The following SUGCT variants were observed in gnomAD, a reference collection of about 807,000 sequenced individuals.
SUGCT encodes the protein succinyl-CoA:glutarate CoA-transferase.
SUGCT carries 41 observed loss-of-function variants against 55.0 expected under a neutral mutation model. The observed-to-expected ratio is 0.74, with a 90% CI of 0.58 to 0.97. The LOEUF is 0.97. Among genes scored for constraint, SUGCT ranks in the 50% least tolerant of loss-of-function variants. SUGCT has a pLI of 0.00. For synonymous variants in SUGCT, 187 were observed against 200.4 expected, an observed-to-expected ratio of 0.93 and a Z score of 0.56; for missense variants, 568 against 547.8, an observed-to-expected ratio of 1.04 and a Z score of -0.37.
the SUGCT span, among the ~76,000 whole-genome samples, chr7:41,037,203 T>G: frequency 4.6e-5 from 7 of 152,148 alleles, no homozygotes; most frequent in African/African-American, 1.7e-4. Context: ...CCAAGGGCAT[T>G]TGTCTCCATT....
At chr7:41,030,982 A>G in the SUGCT span, among the ~76,000 whole-genome samples, 1 of 152,122 alleles carries the variant, frequency 6.6e-6, no homozygotes, top group Non-Finnish European at 1.5e-5. Context: ...TTATTTTGAG[A>G]TAAGAGTCTC....
At chr7:40,511,032 T>C (rs1383005332) in intron 12 of SUGCT, among the ~76,000 whole-genome samples, 1 of 152,094 alleles carries the variant, frequency 6.6e-6, no homozygotes, top group Non-Finnish European at 1.5e-5. Context: ...ATTCTAGAAC[T>C]ACAGAATATT....
At chr7:40,649,480 C>T (rs1293395466) in intron 12 of SUGCT, among the ~76,000 whole-genome samples, 1 of 152,112 alleles carries the variant, frequency 6.6e-6, no homozygotes, top group Non-Finnish European at 1.5e-5. Flanking sequence ...CTTCTGTGAT[C>T]TCTAGCACTA....
At chr7:40,564,448 T>C (rs1796019092) in intron 12 of SUGCT, among the ~76,000 whole-genome samples, 1 of 152,228 alleles carries the variant, frequency 6.6e-6, no homozygotes, top group Non-Finnish European at 1.5e-5. Flanking sequence ...ATGTAACTTT[T>C]ATAATTCAAC....
intron 12 of SUGCT, among the ~76,000 whole-genome samples, chr7:40,675,060 A>C (rs1318625618): frequency 6.7e-6 from 1 of 148,974 alleles, no homozygotes; most frequent in Non-Finnish European, 1.5e-5. Flanking sequence ...TATTTCTAAA[A>C]TCTTTTTTTT....
At chr7:40,744,588 T>C (rs2128707451) in intron 12 of SUGCT, among the ~76,000 whole-genome samples, 1 of 152,350 alleles carries the variant, frequency 6.6e-6, no homozygotes, top group East Asian at 1.9e-4. Flanking sequence ...ATCAGCCATT[T>C]AGTAATTGTG....
intron 9 of SUGCT, among the ~76,000 whole-genome samples, chr7:40,391,349 C>T (rs1380236654): frequency 1.3e-5 from 2 of 152,106 alleles, no homozygotes; most frequent in Admixed American, 6.5e-5. Flanking sequence ...AACAGGCAAC[C>T]TACAGAATGG....
the SUGCT span, among the ~76,000 whole-genome samples, chr7:40,893,286 G>A: frequency 6.6e-6 from 1 of 152,114 alleles, no homozygotes; most frequent in Non-Finnish European, 1.5e-5. Context: ...AACCAGTAAG[G>A]AAACAGTGGA....
At chr7:40,491,059 C>T (rs192340716) in intron 11 of SUGCT, among the ~76,000 whole-genome samples, 2 of 152,236 alleles carry the variant, frequency 1.3e-5, no homozygotes, top group Admixed American at 6.6e-5. Context: ...GACTCTTATT[C>T]TTTCCAAATC....
At chr7:40,280,768 G>C (rs1206342395) in intron 8 of SUGCT, among the ~76,000 whole-genome samples, 1 of 151,908 alleles carries the variant, frequency 6.6e-6, no homozygotes, top group Non-Finnish European at 1.5e-5. Context: ...ATTTTATTGA[G>C]GTATATATTA....
At position 40,181,125 on chromosome 7, in the gene SUGCT, AG is replaced by A. The variant is rs200348549; in HGVS notation, c.152+128del. The A allele has an allele frequency of 1.3e-3, 979 of 738,306 alleles. 5 individuals are homozygous for A. The African/African-American group carries it at 0.015, about 11-fold the overall frequency. The allele number at this position is 738,306 out of a possible 1,614,324, so 45.7% of individuals were successfully genotyped here. A position where few individuals can be genotyped will look rare whatever the true frequency, so the allele number is the denominator to read the frequency against. ...AAATTTTAGAGAAGAAAATAAGAAAAGAAAAATTGCTGTAATATCATCATTC... is the reference window on the plus strand; with the variant it reads ...AAATTTTAGAGAAGAAAATAAGAAAAAAAAATTGCTGTAATATCATCATTC... On this transcript the variant is annotated intron_variant, in intron 2 of 13. Coordinates refer to ENST00000335693, the MANE Select transcript of SUGCT (RefSeq NM_001193313.2).
At chr7:40,639,701 C>T (rs1414759770) in intron 12 of SUGCT, among the ~76,000 whole-genome samples, 7 of 147,018 alleles carry the variant, frequency 4.8e-5, no homozygotes, top group South Asian at 2.1e-4. Flanking sequence ...TCAGTAGAGA[C>T]GGGGTTTCGC....
intron 7 of SUGCT, among the ~76,000 whole-genome samples, chr7:40,250,506 C>T (rs753829639): frequency 6.6e-6 from 1 of 151,884 alleles, no homozygotes; most frequent in Non-Finnish European, 1.5e-5. Flanking sequence ...CTCATCTCAT[C>T]AGTCAGAAGT....
chr7:40,354,904 C>T (rs1257510406), intron 9 of SUGCT, among the ~76,000 whole-genome samples: 1 of 152,070 alleles, frequency 6.6e-6, no homozygotes, highest in African/African-American at 2.4e-5. Context: ...TGAGGTTGAC[C>T]CTATCATGTA....
chr7:40,654,400 T>C (rs1469967558), intron 12 of SUGCT, among the ~76,000 whole-genome samples: 5 of 152,204 alleles, frequency 3.3e-5, no homozygotes, highest in African/African-American at 1.2e-4. Context: ...CATTTTGATG[T>C]GCCCTTGACA....
At chr7:40,762,811 TC>T in intron 13 of SUGCT, among the ~76,000 whole-genome samples, 1 of 150,756 alleles carries the variant, frequency 6.6e-6, no homozygotes, top group East Asian at 2.0e-4. Context: ...AAAACAACTC[TC>T]TTTTTTTTTT....
chr7:40,377,137 T>TCTTC, intron 9 of SUGCT, among the ~76,000 whole-genome samples: 7 of 11,024 alleles, frequency 6.3e-4, no homozygotes, highest in African/African-American at 1.3e-3. Flanking sequence ...CCTCTTTCTT[T>TCTTC]CTTTCTTTCT....
At chr7:40,262,620 G>A (rs13235423) in intron 7 of SUGCT, among the ~76,000 whole-genome samples, 60,068 of 151,300 alleles carry the variant, frequency 0.4, 12,387 homozygotes, top group East Asian at 0.5. Flanking sequence ...AGCCGAGATC[G>A]TACCACTGCA....
intron 12 of SUGCT, among the ~76,000 whole-genome samples, chr7:40,500,053 G>C (rs1318601697): frequency 6.6e-6 from 1 of 152,062 alleles, no homozygotes; most frequent in African/African-American, 2.4e-5. Context: ...CATTGTCTAC[G>C]TTGAGAATGA....
Sources: allele counts gnomAD v4.1 joint callset (sites outside exome capture counted in the v4.1 genomes callset), GRCh38; gene constraint gnomAD v4.1.1; transcripts MANE v1.5; gene names NCBI Gene and HGNC (gene_info 2026-07-23, HGNC 2026-07-21).